Variants in NECTIN3 observed in about 807,000 individuals in gnomAD.
The protein encoded by NECTIN3 is nectin cell adhesion molecule 3.
In NECTIN3, 8 loss-of-function variants were observed where a neutral mutation model predicts 49.4. That is an observed-to-expected ratio of 0.16 (90% CI 0.10 to 0.29). NECTIN3 has a LOEUF of 0.29. NECTIN3 is among the 10% of genes least tolerant of loss of function. NECTIN3 has a pLI of 1.00. For synonymous variants in NECTIN3, 277 were observed against 241.1 expected, an observed-to-expected ratio of 1.15 and a Z score of -1.38; for missense variants, 581 against 654.6, an observed-to-expected ratio of 0.89 and a Z score of 1.23.
chr3:111,153,326 G>A (rs2035036133), intron 7 of NECTIN3, among the ~76,000 whole-genome samples: 1 of 151,734 alleles, frequency 6.6e-6, no homozygotes, highest in African/African-American at 2.4e-5. Flanking sequence ...TTTTAGTTGG[G>A]GAGGGCCCTT....
intron 7 of NECTIN3, among the ~76,000 whole-genome samples, chr3:111,185,122 C>A (rs974160307): frequency 2.0e-5 from 3 of 152,188 alleles, no homozygotes; most frequent in African/African-American, 4.8e-5. Context: ...AACTCTCATG[C>A]AGATTTCTGG....
At chr3:111,079,879 C>T (rs936789247) in intron 1 of NECTIN3, among the ~76,000 whole-genome samples, 7 of 152,004 alleles carry the variant, frequency 4.6e-5, no homozygotes, top group African/African-American at 1.7e-4. Context: ...ATATGATTAT[C>T]TTGATGCAGT....
At chr3:111,144,819 T>G (rs992469547) in intron 5 of NECTIN3, 4 of 1,419,478 alleles carry the variant, frequency 2.8e-6, no homozygotes, top group African/African-American at 2.9e-5. Context: ...TCAAATAGTT[T>G]GCACATTGTA....
intron 1 of NECTIN3, among the ~76,000 whole-genome samples, chr3:111,082,713 A>T (rs571035370): frequency 1.2e-4 from 19 of 152,246 alleles, no homozygotes; most frequent in Admixed American, 1.2e-3. Flanking sequence ...TGGTTTTGGG[A>T]TGATTGAAGT....
downstream of NECTIN3, among the ~76,000 whole-genome samples, chr3:111,141,915 T>C (rs1202587418): frequency 6.6e-6 from 1 of 151,898 alleles, no homozygotes; most frequent in East Asian, 1.9e-4. Context: ...CACTTAATTT[T>C]TTTCCTCTGT....
chr3:111,134,396 C>T lies in NECTIN3; in HGVS notation c.*181C>T. On this transcript the variant is annotated 3_prime_UTR_variant, in exon 6 of 6. Coordinates refer to ENST00000485303, the MANE Select transcript of NECTIN3 (RefSeq NM_015480.3). ...ATCTGAGTTCAGTGTATCTAAGCTGCTTTACAATTTTTTTTCAATGCTGTA... is the reference window on the plus strand; with the variant it reads ...ATCTGAGTTCAGTGTATCTAAGCTGTTTTACAATTTTTTTTCAATGCTGTA... 1 of 1,329,660 alleles carries T rather than the reference C, an allele frequency of 7.5e-7. No homozygotes were observed. The highest frequency in any genetic ancestry group is 9.6e-7 in the Non-Finnish European group (1 of 1,042,370). 82.4% of individuals were successfully genotyped at this position (1,329,660 alleles called of 1,614,324 possible).
chr3:111,142,518 T>A (rs2034772814), downstream of NECTIN3, among the ~76,000 whole-genome samples: 2 of 151,782 alleles, frequency 1.3e-5, no homozygotes, highest in South Asian at 4.1e-4. Context: ...GTGACAAAAT[T>A]GGATAGATTG....
At position 111,071,843 on chromosome 3, in the gene NECTIN3, G is replaced by T; in HGVS notation, c.-175G>T. The T allele has an allele frequency of 2.5e-6, 1 of 396,490 alleles. No homozygotes were observed. The highest frequency in any genetic ancestry group is 4.3e-6 in the Non-Finnish European group (1 of 231,936). 24.6% of individuals were successfully genotyped at this position (396,490 alleles called of 1,614,324 possible). A position where few individuals can be genotyped will look rare whatever the true frequency, so the allele number is the denominator to read the frequency against. On this transcript the variant is annotated 5_prime_UTR_variant, in exon 1 of 6. Transcript: ENST00000485303. ...CCTCGGCAGTGGCGTCGGCGACGGCGGTGTCGAGGCAGCCGCCAGCGTTCG... is the reference window on the plus strand; with the variant it reads ...CCTCGGCAGTGGCGTCGGCGACGGCTGTGTCGAGGCAGCCGCCAGCGTTCG...
intron 7 of NECTIN3, among the ~76,000 whole-genome samples, chr3:111,152,076 A>T (rs2035011033): frequency 2.0e-5 from 3 of 151,836 alleles, no homozygotes; most frequent in African/African-American, 7.2e-5. Flanking sequence ...ATCTTTTATT[A>T]TTGAGATGCA....
At chr3:111,144,087 A>C (rs563109225) in intron 5 of NECTIN3, among the ~76,000 whole-genome samples, 1 of 152,108 alleles carries the variant, frequency 6.6e-6, no homozygotes, top group Non-Finnish European at 1.5e-5. Flanking sequence ...AATATGTAGT[A>C]CTTGTAATAG....
At chr3:111,098,079 G>A (rs1378629132) in intron 1 of NECTIN3, among the ~76,000 whole-genome samples, 1 of 151,990 alleles carries the variant, frequency 6.6e-6, no homozygotes, top group Non-Finnish European at 1.5e-5. Flanking sequence ...AACCTATTGA[G>A]TTTATAATTA....
intron 4 of NECTIN3, among the ~76,000 whole-genome samples, chr3:111,125,426 G>A (rs2034126152): frequency 6.6e-6 from 1 of 152,112 alleles, no homozygotes; most frequent in Admixed American, 6.5e-5. Context: ...GGTTAGAAAA[G>A]TGATTTTTAG....
At chr3:111,165,867 G>A (rs1047060351) in intron 7 of NECTIN3, among the ~76,000 whole-genome samples, 2 of 152,188 alleles carry the variant, frequency 1.3e-5, no homozygotes, top group Non-Finnish European at 2.9e-5. Flanking sequence ...AATAAAATAA[G>A]TAAAAGAGAG....
intron 7 of NECTIN3, among the ~76,000 whole-genome samples, chr3:111,164,531 A>C (rs943281565): frequency 6.6e-6 from 1 of 152,156 alleles, no homozygotes; most frequent in Non-Finnish European, 1.5e-5. Flanking sequence ...AAACAACAGA[A>C]ATTTATTGTC....
chr3:111,184,183 A>T (rs2035678936), intron 7 of NECTIN3, among the ~76,000 whole-genome samples: 1 of 151,738 alleles, frequency 6.6e-6, no homozygotes, highest in South Asian at 2.1e-4. Flanking sequence ...CTCTAAAGTT[A>T]TTTTTGGTCT....
intron 1 of NECTIN3, chr3:111,072,497 C>T: frequency 2.0e-6 from 3 of 1,535,872 alleles, no homozygotes; most frequent in South Asian, 1.2e-5. Flanking sequence ...CTCGCTCATT[C>T]TCTGGGAACC....
Position 111,135,569 on chromosome 3 carries a change from A to G in NECTIN3, c.*1354A>G. 1 of 977,192 alleles carries G rather than the reference A, an allele frequency of 1.0e-6. No individual in the cohort carries two copies. The highest frequency in any genetic ancestry group is 1.2e-6 in the Non-Finnish European group (1 of 822,538). The allele number at this position is 977,192 out of a possible 1,614,324, so 60.5% of individuals were successfully genotyped here. A position where few individuals can be genotyped will look rare whatever the true frequency, so the allele number is the denominator to read the frequency against. Reference sequence around the variant, plus strand: ...TTGAAGCTGAAAGGATAGTTTTTCTATTGCTAAGTCATTTGAAAAAGTGAC... The same window carrying G: ...TTGAAGCTGAAAGGATAGTTTTTCTGTTGCTAAGTCATTTGAAAAAGTGAC... On this transcript the variant is annotated 3_prime_UTR_variant, in exon 6 of 6. Transcript: ENST00000485303.
intron 1 of NECTIN3, among the ~76,000 whole-genome samples, chr3:111,100,663 T>A (rs987807309): frequency 3.3e-5 from 5 of 152,244 alleles, no homozygotes; most frequent in East Asian, 1.9e-4. Flanking sequence ...TTTATTAGGA[T>A]TAAAACTCAT....
At chr3:111,162,397 T>C (rs979386124) in intron 7 of NECTIN3, among the ~76,000 whole-genome samples, 55 of 152,156 alleles carry the variant, frequency 3.6e-4, no homozygotes, top group African/African-American at 1.3e-3. Context: ...TGGTAGTAAG[T>C]TCTCATGAGA....
Sources: gnomAD v4.1 joint callset for allele counts (sites outside exome capture counted in the v4.1 genomes callset) on GRCh38, gnomAD v4.1.1 for gene constraint, MANE v1.5 for transcripts, NCBI Gene and HGNC (gene_info 2026-07-23, HGNC 2026-07-21) for gene names.